Variants in ATF2 observed in about 807,000 individuals in gnomAD.
ATF2 encodes activating transcription factor 2.
A neutral mutation model predicts 60.6 loss-of-function variants in ATF2; 24 were observed. That is an observed-to-expected ratio of 0.40 (90% CI 0.29 to 0.56). ATF2 has a LOEUF of 0.56. Ranked by LOEUF, ATF2 falls within the 20% of genes least tolerant of loss-of-function variation. The probability of loss-of-function intolerance (pLI) is 0.54; values close to 1 mark genes in which losing one functional copy is unlikely to be tolerated. For synonymous variants in ATF2, 206 were observed against 215.4 expected (o/e 0.96, Z 0.38); for missense variants, 433 against 607.7 (o/e 0.71, Z 3.02).
At chr2:175,082,805 G>A (rs1399472285) in intron 12 of ATF2, among the ~76,000 whole-genome samples, 2 of 152,110 alleles carry the variant, frequency 1.3e-5, no homozygotes, top group African/African-American at 2.4e-5. Flanking sequence ...AATACATACC[G>A]TTGTCTTTAT....
intron 12 of ATF2, among the ~76,000 whole-genome samples, chr2:175,087,586 T>G (rs1358718983): frequency 6.6e-6 from 1 of 152,164 alleles, no homozygotes; most frequent in East Asian, 1.9e-4. Context: ...ATTTATGATC[T>G]TTGACTTTCT....
rs184203023 is a variant in ATF2 at position 175,160,951 on chromosome 2, T to C, written c.-143+7099A>G. ...TATTTGGGAGGCTTAGGTGGGAAGA[T>C]CTCTCGAGCCCCAGAGGTGGAAGCC... On this transcript the variant is annotated intron_variant, in intron 1 of 13. Transcript: ENST00000264110. Among the ~76,000 whole-genome samples, 52 of 152,150 alleles carry C rather than the reference T, an allele frequency of 3.4e-4. No homozygotes were observed. The East Asian group carries it at 8.1e-3, about 24-fold the overall frequency.
In ATF2 at chr2:175,132,099, T is replaced by C. The variant is rs112651388; in HGVS notation, c.33-1892A>G. ...TGTTGTGATATCATCATGTATCCTC[T>C]AGAAAATGGCATCAAATCCTTGTGA... On this transcript the variant is annotated intron_variant, in intron 3 of 13. Transcript: ENST00000264110. Among the ~76,000 whole-genome samples the C allele has an allele frequency of 1.9e-3, 293 of 152,320 alleles. 1 individual carries two copies. Among genetic ancestry groups the C allele is most frequent in the African/African-American group, 6.8e-3 (284 of 41,580 alleles).
At chr2:175,087,284 G>A (rs1694235183) in intron 12 of ATF2, among the ~76,000 whole-genome samples, 1 of 152,122 alleles carries the variant, frequency 6.6e-6, no homozygotes, top group South Asian at 2.1e-4. Flanking sequence ...ATTCAAATGT[G>A]AGAAATCATC....
intron 2 of ATF2, among the ~76,000 whole-genome samples, chr2:175,137,485 G>C (rs1698219417): frequency 6.6e-6 from 1 of 152,176 alleles, no homozygotes; most frequent in African/African-American, 2.4e-5. Context: ...GCCTAGCTCA[G>C]TTTAGTACAA....
At chr2:175,080,528 C>T (rs1458436395) in intron 13 of ATF2, 132 bp downstream of exon 13, 2 of 671,158 alleles carry the variant, frequency 3.0e-6, no homozygotes, top group African/African-American at 3.6e-5. Flanking sequence ...TCTATAATAA[C>T]CTTACAGAAA....
At chr2:175,096,671 T>C (rs1694959121) in intron 11 of ATF2, among the ~76,000 whole-genome samples, 1 of 152,150 alleles carries the variant, frequency 6.6e-6, no homozygotes, top group South Asian at 2.1e-4. Flanking sequence ...ATGATATGCA[T>C]TGTAATCATA....
chr2:175,115,456 T>G (rs1239912117), intron 7 of ATF2, among the ~76,000 whole-genome samples: 1 of 152,194 alleles, frequency 6.6e-6, no homozygotes, highest in Non-Finnish European at 1.5e-5. Flanking sequence ...GTGAACTCTT[T>G]CAAGTCAGGA....
At chr2:175,121,278 A>G (rs1274332623) in intron 5 of ATF2, among the ~76,000 whole-genome samples, 166 bp downstream of exon 5, 3 of 151,902 alleles carry the variant, frequency 2.0e-5, no homozygotes, top group Non-Finnish European at 4.4e-5. Flanking sequence ...ATGAATAGTC[A>G]GAAGGAAACA....
chr2:175,079,582 G>A (rs1402660725), intron 13 of ATF2, among the ~76,000 whole-genome samples: 8 of 151,932 alleles, frequency 5.3e-5, no homozygotes, highest in Admixed American at 2.6e-4. Context: ...AAAAATCAGC[G>A]TTCTAAATAT....
At chr2:175,106,779 T>A (rs1695700771) in intron 10 of ATF2, among the ~76,000 whole-genome samples, 1 of 152,140 alleles carries the variant, frequency 6.6e-6, no homozygotes, top group African/African-American at 2.4e-5. Context: ...GAGGTTGCAG[T>A]GAACTGAGAC....
At chr2:175,080,350 CAA>C (rs1693679018) in intron 13 of ATF2, 1 of 176,086 alleles carries the variant, frequency 5.7e-6, no homozygotes, top group Non-Finnish European at 1.2e-5. Flanking sequence ...CAATCTAAGA[CAA>C]AGTGTTATCC....
Position 175,077,852 on chromosome 2 carries a change from TAG to T in ATF2, c.1291+2806_1291+2807del, listed in dbSNP as rs1693454385. ...AAATGACTGGTGTAATCACAAGCACTAGAGAGATACAGAAAACCATGCTGTAC... is the reference window on the plus strand; with the variant it reads ...AAATGACTGGTGTAATCACAAGCACTAGAGATACAGAAAACCATGCTGTAC... On this transcript the variant is annotated intron_variant, in intron 13 of 13. Transcript: ENST00000264110. 2.0e-5 allele frequency among the ~76,000 whole-genome samples: 3 copies of T among 152,264 alleles called. No individual in the cohort carries two copies. The South Asian group carries it at 6.2e-4, about 32-fold the overall frequency.
At chr2:175,132,919 C>T (rs948132993) in intron 3 of ATF2, among the ~76,000 whole-genome samples, 2 of 151,958 alleles carry the variant, frequency 1.3e-5, no homozygotes, top group Admixed American at 1.3e-4. Context: ...AACCCTGTCT[C>T]TACTAAAAAT....
At chr2:175,131,332 T>A (rs1225517037) in intron 3 of ATF2, among the ~76,000 whole-genome samples, 2 of 152,072 alleles carry the variant, frequency 1.3e-5, no homozygotes, top group Non-Finnish European at 2.9e-5. Context: ...GAGAAATAAG[T>A]TAAACAAACG....
At chr2:175,155,038 G>A (rs1699585147) in intron 1 of ATF2, among the ~76,000 whole-genome samples, 1 of 152,200 alleles carries the variant, frequency 6.6e-6, no homozygotes, top group Non-Finnish European at 1.5e-5. Flanking sequence ...GTCTTTCAAG[G>A]AGGCAGTATG....
intron 8 of ATF2, chr2:175,114,328 G>A: frequency 2.3e-6 from 3 of 1,283,118 alleles, no homozygotes; most frequent in Non-Finnish European, 2.9e-6. Flanking sequence ...GATTTACTTA[G>A]GACAATCTCC....
At chr2:175,162,705 A>C (rs974114965) in intron 1 of ATF2, among the ~76,000 whole-genome samples, 21 of 152,244 alleles carry the variant, frequency 1.4e-4, no homozygotes, top group African/African-American at 5.1e-4. Context: ...AGTAAAATAA[A>C]ACTTATTTGA....
chr2:175,109,470 G>A (rs138857094), intron 10 of ATF2, among the ~76,000 whole-genome samples: 80 of 152,284 alleles, frequency 5.3e-4, no homozygotes, highest in African/African-American at 1.8e-3. Flanking sequence ...CGGAAAGAGA[G>A]AAACTTTTAT....
Sources: gnomAD v4.1 joint callset for allele counts (sites outside exome capture counted in the v4.1 genomes callset) on GRCh38, gnomAD v4.1.1 for gene constraint, MANE v1.5 for transcripts, NCBI Gene and HGNC (gene_info 2026-07-23, HGNC 2026-07-21) for gene names.